Variants in PRSS36 observed in about 807,000 individuals in gnomAD.
The protein encoded by PRSS36 is serine protease 36.
A neutral mutation model predicts 94.3 loss-of-function variants in PRSS36; 90 were observed. The observed-to-expected ratio is 0.95, with a 90% CI of 0.80 to 1.14. The LOEUF is 1.14. PRSS36 is among the 50% of genes most tolerant of loss of function. PRSS36 has a pLI of 0.00. For missense variants in PRSS36, 1,158 were observed against 1,135.0 expected, an observed-to-expected ratio of 1.02 and a Z score of -0.29; for synonymous variants, 500 against 489.6, an observed-to-expected ratio of 1.02 and a Z score of -0.28.
chr16:31,147,004 GA>G (rs1330304900), intron 5 of PRSS36, among the ~76,000 whole-genome samples: 4 of 152,040 alleles, frequency 2.6e-5, no homozygotes, highest in Non-Finnish European at 5.9e-5. Context: ...AAGAATTGAT[GA>G]AAAAAAGAAA....
intron 5 of PRSS36, among the ~76,000 whole-genome samples, chr16:31,147,842 G>A (rs1318343368): frequency 6.6e-6 from 1 of 152,106 alleles, no homozygotes; most frequent in Non-Finnish European, 1.5e-5. Flanking sequence ...AAGGCGGATG[G>A]GAGGGAGGCA....
chr16:31,142,542 C>A lies in PRSS36; in HGVS notation c.1460G>T (p.Gly487Val). Residue 487 changes from glycine to valine, a missense_variant, in exon 10 of 15, where the codon GGA becomes GTA. Transcript: ENST00000268281. ...AGGGCAGAGCGCGTGCGGCGGGTCT[C>A]CGGGCAGCGGTACTGCCGCCCCCTG... ...GRQGAAVPLPGDPPHALCPAY... is the reference protein window; with the variant it reads ...GRQGAAVPLPVDPPHALCPAY... The A allele has an allele frequency of 1.3e-6, 2 of 1,517,232 alleles. No individual in the cohort carries two copies. The highest frequency in any genetic ancestry group is 1.8e-6 in the Non-Finnish European group (2 of 1,135,660). 94.0% of individuals were successfully genotyped at this position (1,517,232 alleles called of 1,614,324 possible). A position where few individuals can be genotyped will look rare whatever the true frequency, so the allele number is the denominator to read the frequency against.
Position 31,143,841 on chromosome 16 carries a change from G to C in PRSS36, c.721-4C>G. On this transcript the variant is annotated splice_polypyrimidine_tract_variant and splice_region_variant and intron_variant, in intron 6 of 14. Transcript: ENST00000268281. ...CCAGGGGCCCCCCAGAGTCACCCTA[G>C]TGGCAGATGACTGCATGTCAAGGGG... The C allele has an allele frequency of 6.2e-7, 1 of 1,613,096 alleles. No homozygotes were observed. The highest frequency in any genetic ancestry group is 8.5e-7 in the Non-Finnish European group (1 of 1,179,992).
intron 5 of PRSS36, among the ~76,000 whole-genome samples, chr16:31,147,882 A>G (rs987862562): frequency 6.6e-6 from 1 of 152,178 alleles, no homozygotes; most frequent in Non-Finnish European, 1.5e-5. Flanking sequence ...TATCTATTAT[A>G]GGCCAGCCTT....
Position 31,140,671 on chromosome 16 carries a change from C to G in PRSS36, c.1988G>C (p.Arg663Pro), listed in dbSNP as rs768053646. 1 of 1,613,868 alleles carries G rather than the reference C, an allele frequency of 6.2e-7. No homozygotes were observed. The highest frequency in any genetic ancestry group is 1.3e-5 in the African/African-American group (1 of 74,906). ...GGGCAGCCGGATGCTGATGACCAAG[C>G]GGGATACCTGGTGGCCCTGTGGGAG... ...SSLPQGHQVS[R>P]LVISIRLPQH... Residue 663 changes from arginine to proline, a missense_variant, in exon 13 of 15, where the codon CGC (arginine) becomes CCC (proline). Transcript: ENST00000268281.
intron 12 of PRSS36, 51 bp downstream of exon 12, chr16:31,141,418 C>A: frequency 6.5e-7 from 1 of 1,530,030 alleles, no homozygotes; most frequent in Non-Finnish European, 8.8e-7. Context: ...GTCTTTGGCT[C>A]TGTTCCATTC....
At position 31,139,397 on chromosome 16, in the gene PRSS36, A is replaced by AT. The variant is rs2057645219; in HGVS notation, c.2308_2309insA (p.Leu770HisfsTer30). ...GGACCCTTCCGTCATCTGGCACAGG[A>AT]GGGGCGGTGCTGAGGTCATCTGCAG... On this transcript the variant is annotated frameshift_variant, in exon 15 of 15. Transcript: ENST00000268281. LOFTEE classifies it low-confidence loss of function (END_TRUNC). 8.1e-6 allele frequency: 13 copies of AT among 1,613,738 alleles called. No individual in the cohort carries two copies. Among genetic ancestry groups the AT allele is most frequent in the Non-Finnish European group, 1.1e-5 (13 of 1,179,900 alleles).
chr16:31,145,761 CCAGGCAGGT>C lies in PRSS36; in HGVS notation c.720+19_720+27del, dbSNP rs770967383. The C allele has an allele frequency of 2.4e-5, 38 of 1,602,914 alleles. No homozygotes were observed. The highest frequency in any genetic ancestry group is 3.1e-5 in the Non-Finnish European group (37 of 1,175,360). ...GTCACTGGTTAGGACTCTGGCCCTGCCAGGCAGGTGCCGGGGCCTTCCCTCACCTGGCAG... is the reference window on the plus strand; with the variant it reads ...GTCACTGGTTAGGACTCTGGCCCTGCGCCGGGGCCTTCCCTCACCTGGCAG... On this transcript the variant is annotated intron_variant, in intron 6 of 14. Coordinates refer to ENST00000268281, the MANE Select transcript of PRSS36 (RefSeq NM_173502.5).
chr16:31,140,839 T>C, intron 12 of PRSS36, 82 bp from the exon 13 acceptor site: 2 of 1,465,762 alleles, frequency 1.4e-6, no homozygotes, highest in Non-Finnish European at 1.9e-6. Flanking sequence ...AGGATGACTC[T>C]CTGGGGTCAT....
Position 31,149,210 on chromosome 16 carries a change from G to T in PRSS36, c.135C>A (p.Ala45=). 6.4e-7 allele frequency: 1 copy of T among 1,564,142 alleles called. No homozygotes were observed. Among genetic ancestry groups the T allele is most frequent in the South Asian group, 1.2e-5 (1 of 85,238 alleles). The change falls in exon 4 of 15, where the codon GCC becomes GCA. Residue 45 remains alanine (A), a synonymous_variant. Coordinates refer to ENST00000268281, the MANE Select transcript of PRSS36 (RefSeq NM_173502.5). The part of the protein sequence containing the change: ...DLDCGRPEPS[A]RIVGGSNAQP... ...GCGCGTTTGAGCCCCCCACGATGCG[G>T]GCCGAGGGCTCAGGGCGCCCGCAGT...
At chr16:31,147,340 C>T (rs1406671680) in intron 5 of PRSS36, among the ~76,000 whole-genome samples, 1 of 152,140 alleles carries the variant, frequency 6.6e-6, no homozygotes, top group African/African-American at 2.4e-5. Flanking sequence ...GTTAGGATGG[C>T]CTGGCCCCAT....
rs779233127 is a variant in PRSS36, at chr16:31,141,862, G to A, written c.1620C>T (p.Phe540=). The A allele has an allele frequency of 6.2e-7, 1 of 1,614,206 alleles. No individual in the cohort carries two copies. Among genetic ancestry groups the A allele is most frequent in the South Asian group, 1.1e-5 (1 of 91,088 alleles). Residue 540 remains phenylalanine, a synonymous_variant, in exon 11 of 15, where the codon TTC becomes TTT. Transcript: ENST00000268281. ...ATGGGCCATGAGTCTGCAGAGGGAA[G>A]AAGGCTCGGGGACGTAGACAGCCAC... ...FPSGCLRPRA[F]FPLQTHGPWI... is the part of the protein sequence containing the mutation.
At chr16:31,143,893 T>C in intron 6 of PRSS36, 56 bp from the exon 7 acceptor site, 2 of 1,600,154 alleles carry the variant, frequency 1.2e-6, no homozygotes, top group Admixed American at 3.4e-5. Flanking sequence ...CTCGAAAAGG[T>C]CCTGCACCTC....
chr16:31,145,372 C>CAAAA (rs376926791), intron 6 of PRSS36, among the ~76,000 whole-genome samples: 1 of 44,656 alleles, frequency 2.2e-5, no homozygotes, highest in Middle Eastern at 0.014. Context: ...GACTCCGTCT[C>CAAAA]AAAAAAAAAA....
rs1487743460 is a variant in PRSS36 at position 31,140,510 on chromosome 16, T to C, written c.2149A>G (p.Lys717Glu). 2 of 1,579,324 alleles carry C rather than the reference T, an allele frequency of 1.3e-6. No individual in the cohort carries two copies. The highest frequency in any genetic ancestry group is 1.3e-5 in the African/African-American group (1 of 74,384). ...GTCTCACCTCGGTCCTGGGGTTCTT[T>C]CCAGCCCAACACCCAGCAGCTGGCC... is the stretch of plus-strand genomic sequence containing the variant. ...PGASCWVLGW[K>E]EPQDRVPVAA... is the part of the protein sequence containing the mutation. Residue 717 changes from lysine to glutamate, a missense_variant, in exon 13 of 15, where the codon AAA becomes GAA. Coordinates refer to ENST00000268281, the MANE Select transcript of PRSS36 (RefSeq NM_173502.5).
Position 31,149,485 on chromosome 16 carries a change from G to T in PRSS36, c.87C>A (p.Thr29=), listed in dbSNP as rs755401836. ...GAFQDSALSP[T]QEEPEDLDCG... ...TACCCAGATCTTCAGGTTCTTCCTGGGTAGGACTGAGAGCTGGGAGCCAGA... is the reference window on the plus strand; with the variant it reads ...TACCCAGATCTTCAGGTTCTTCCTGTGTAGGACTGAGAGCTGGGAGCCAGA... Residue 29 remains threonine (T), a synonymous_variant, in exon 3 of 15, where the codon ACC becomes ACA. Transcript: ENST00000268281. 2 of 1,614,120 alleles carry T rather than the reference G, an allele frequency of 1.2e-6. No homozygotes were observed. Among genetic ancestry groups the T allele is most frequent in the Non-Finnish European group, 1.7e-6 (2 of 1,180,024 alleles).
intron 12 of PRSS36, among the ~76,000 whole-genome samples, 169 bp from the exon 13 acceptor site, chr16:31,140,926 T>C (rs564933294): frequency 6.6e-6 from 1 of 152,192 alleles, no homozygotes; most frequent in African/African-American, 2.4e-5. Flanking sequence ...GTAAGATTCT[T>C]CCCTCATGCC....
intron 14 of PRSS36, among the ~76,000 whole-genome samples, chr16:31,139,772 A>G (rs1282586607): frequency 1.4e-5 from 2 of 146,566 alleles, no homozygotes; most frequent in East Asian, 2.0e-4. Context: ...CCCAGCTACT[A>G]GGGAGGCTGA....
intron 4 of PRSS36, 138 bp from the exon 5 acceptor site, chr16:31,148,813 A>T: frequency 8.2e-7 from 1 of 1,215,288 alleles, no homozygotes; most frequent in Non-Finnish European, 1.2e-6. Context: ...AAAGGGGAAG[A>T]GCAAATCCGA....
Sources: gnomAD v4.1 joint callset for allele counts (sites outside exome capture counted in the v4.1 genomes callset) on GRCh38, gnomAD v4.1.1 for gene constraint, MANE v1.5 for transcripts, NCBI Gene and HGNC (gene_info 2026-07-23, HGNC 2026-07-21) for gene names.